IL1RAPL1: variants seen among roughly 807,000 people sequenced by gnomAD.
IL1RAPL1 encodes the protein interleukin-1 receptor accessory protein-like 1.
IL1RAPL1 carries 3 observed loss-of-function variants against 48.4 expected under a neutral mutation model. That is an observed-to-expected ratio of 0.06 (90% CI 0.03 to 0.16). The LOEUF (loss-of-function observed/expected upper bound fraction) is 0.16. Among genes scored for constraint, IL1RAPL1 ranks in the 10% least tolerant of loss-of-function variants. The pLI is 1.00. For synonymous variants in IL1RAPL1, 185 were observed against 187.7 expected (o/e 0.99, Z 0.12); for missense variants, 349 against 530.6 (o/e 0.66, Z 3.36).
At chrX:29,070,824 A>T (rs1397145779) in intron 2 of IL1RAPL1, among the ~76,000 whole-genome samples, 2 of 111,955 alleles carry the variant, frequency 1.8e-5, no homozygotes, top group Non-Finnish European at 3.8e-5. Context: ...GTATACAGAA[A>T]AAAAGTGTTT....
intron 1 of IL1RAPL1, among the ~76,000 whole-genome samples, chrX:28,734,231 A>G (rs1935790705): frequency 9.0e-6 from 1 of 111,484 alleles, no homozygotes; most frequent in African/African-American, 3.3e-5. Flanking sequence ...ACAGAAGTCA[A>G]ATGTCAGTAA....
chrX:28,650,790 A>G (rs1934675057), intron 1 of IL1RAPL1, among the ~76,000 whole-genome samples: 1 of 112,185 alleles, frequency 8.9e-6, no homozygotes, highest in Admixed American at 9.5e-5. Context: ...TACTAAAAGT[A>G]GTTTGAAAAC....
chrX:29,279,217 T>C (rs914130917), intron 2 of IL1RAPL1, among the ~76,000 whole-genome samples: 1 of 111,786 alleles, frequency 8.9e-6, no homozygotes, highest in Non-Finnish European at 1.9e-5. Flanking sequence ...GGTGGGCAGA[T>C]CCGAGATCAG....
intron 8 of IL1RAPL1, among the ~76,000 whole-genome samples, chrX:29,933,652 A>G (rs1386610865): frequency 2.8e-5 from 3 of 105,619 alleles, no homozygotes; most frequent in Non-Finnish European, 3.9e-5. Context: ...TATAGACAAA[A>G]TAGACAAAAA....
chrX:28,692,125 T>A (rs760178981), intron 1 of IL1RAPL1, among the ~76,000 whole-genome samples: 3 of 110,571 alleles, frequency 2.7e-5, no homozygotes, highest in Non-Finnish European at 5.7e-5. Context: ...GAACTGACAT[T>A]CTCACCCAAG....
At chrX:28,803,851 T>C (rs1180859145) in intron 2 of IL1RAPL1, among the ~76,000 whole-genome samples, 2 of 112,347 alleles carry the variant, frequency 1.8e-5, no homozygotes, top group African/African-American at 6.5e-5. Context: ...CAGCTATGCC[T>C]GGGCATAAAA....
At chrX:28,661,854 C>G (rs1370787576) in intron 1 of IL1RAPL1, among the ~76,000 whole-genome samples, 3 of 111,953 alleles carry the variant, frequency 2.7e-5, no homozygotes, top group Non-Finnish European at 1.9e-5. Context: ...TCTGGCCTTA[C>G]CTTCAAACAT....
chrX:29,105,035 A>C (rs1041844884), intron 2 of IL1RAPL1, among the ~76,000 whole-genome samples: 1 of 111,732 alleles, frequency 8.9e-6, no homozygotes, highest in Non-Finnish European at 1.9e-5. Context: ...TGGTTTTCCT[A>C]TGAAAAGATT....
At chrX:29,842,138 A>G (rs997378421) in intron 6 of IL1RAPL1, among the ~76,000 whole-genome samples, 7 of 112,390 alleles carry the variant, frequency 6.2e-5, no homozygotes, top group Non-Finnish European at 1.9e-5. Flanking sequence ...TGTCTGCACA[A>G]ACAGTTTAGG....
intron 2 of IL1RAPL1, among the ~76,000 whole-genome samples, chrX:28,856,354 A>G (rs750321303): frequency 1.8e-5 from 2 of 112,193 alleles, no homozygotes; most frequent in South Asian, 7.4e-4. Flanking sequence ...ACTCAACAGG[A>G]ACCACAGCAA....
At chrX:28,861,515 G>T (rs114515456) in intron 2 of IL1RAPL1, among the ~76,000 whole-genome samples, 1,205 of 111,996 alleles carry the variant, frequency 0.011, 27 homozygotes, top group African/African-American at 0.037. Context: ...GAGCTGAAGG[G>T]TTGGCTAGAA....
rs1556011447 is a variant in IL1RAPL1, at chrX:29,430,139, C to CT, written c.703+30831_703+30832insT. Among the ~76,000 whole-genome samples, 4 of 107,722 alleles carry CT rather than the reference C, an allele frequency of 3.7e-5. No individual in the cohort carries two copies. The East Asian group carries it at 1.2e-3, about 32-fold the overall frequency. 93.5% of individuals were successfully genotyped at this position (107,722 alleles called of 115,157 possible). On this transcript the variant is annotated intron_variant, in intron 5 of 10. Coordinates refer to ENST00000378993, the MANE Select transcript of IL1RAPL1 (RefSeq NM_014271.4). ...TCTCTCTGTCTGTCTCTCTCTCTCT[C>CT]CCCCAACGTGTAGTCATTTTATTCC...
At position 29,095,573 on chromosome X, in the gene IL1RAPL1, T is replaced by C. The variant is rs773156411; in HGVS notation, c.83-187365T>C. ...ACATGGTAAACTCAATAAATTTATC[T>C]ATTTTAAGTTAATAGAATTCTGGCA... On this transcript the variant is annotated intron_variant, in intron 2 of 10. Transcript: ENST00000378993. Among the ~76,000 whole-genome samples, 4 of 111,765 alleles carry C rather than the reference T, an allele frequency of 3.6e-5. No homozygotes were observed. In the East Asian group the frequency reaches 1.1e-3, roughly 31 times the overall value.
intron 2 of IL1RAPL1, among the ~76,000 whole-genome samples, chrX:29,100,001 C>G (rs371173188): frequency 9.0e-5 from 10 of 110,498 alleles, no homozygotes; most frequent in African/African-American, 3.3e-4. Flanking sequence ...ATCATGAGGT[C>G]AGGAGATCAA....
chrX:28,679,510 G>C (rs188624100), intron 1 of IL1RAPL1, among the ~76,000 whole-genome samples: 2 of 110,483 alleles, frequency 1.8e-5, no homozygotes, highest in East Asian at 5.7e-4. Flanking sequence ...TGAGCTCTTG[G>C]TGTCATTACA....
chrX:29,832,103 T>A (rs1930893358), intron 6 of IL1RAPL1, among the ~76,000 whole-genome samples: 1 of 111,885 alleles, frequency 8.9e-6, no homozygotes, highest in Non-Finnish European at 1.9e-5. Flanking sequence ...GGTCATGAGA[T>A]GAAAAGAAAT....
intron 2 of IL1RAPL1, among the ~76,000 whole-genome samples, chrX:29,230,854 T>C (rs1041145738): frequency 3.6e-5 from 4 of 111,457 alleles, no homozygotes; most frequent in Non-Finnish European, 7.5e-5. Flanking sequence ...ATGAGGGCCC[T>C]GTAGCGTATA....
chrX:29,350,191 T>TTATATATGTATATATATATATATATA lies in IL1RAPL1; in HGVS notation c.363-46060_363-46059insGTATATATATATATATATATATATAT, dbSNP rs1203248525. Among the ~76,000 whole-genome samples the TTATATATGTATATATATATATATATA allele has an allele frequency of 5.8e-4, 23 of 39,424 alleles. 2 individuals carry two copies. Among genetic ancestry groups the TTATATATGTATATATATATATATATA allele is most frequent in the African/African-American group, 4.0e-3 (23 of 5,752 alleles). 34.2% of individuals were successfully genotyped at this position (39,424 alleles called of 115,157 possible). ...CTCCCTTGGTCTACATACTGTTATT[T>TTATATATGTATATATATATATATATA]TATATATATATATATATATATATAT... On this transcript the variant is annotated intron_variant, in intron 3 of 10. Coordinates refer to ENST00000378993, the MANE Select transcript of IL1RAPL1 (RefSeq NM_014271.4).
At chrX:29,719,387 A>G (rs185259592) in intron 6 of IL1RAPL1, among the ~76,000 whole-genome samples, 3 of 111,513 alleles carry the variant, frequency 2.7e-5, no homozygotes, top group African/African-American at 6.5e-5. Flanking sequence ...CATACCTACC[A>G]CTACTTGCTT....
Sources: gnomAD v4.1 joint callset for allele counts (sites outside exome capture counted in the v4.1 genomes callset) on GRCh38, gnomAD v4.1.1 for gene constraint, MANE v1.5 for transcripts, NCBI Gene and HGNC (gene_info 2026-07-23, HGNC 2026-07-21) for gene names.